Variants in LASP1NB observed in about 807,000 individuals in gnomAD.
LASP1NB encodes LASP1 neighbor protein.
At chr17:38,928,921 C>A in the LASP1NB span, 1 of 152,170 alleles carries the variant, frequency 6.6e-6, no homozygotes, top group Admixed American at 6.5e-5. Flanking sequence ...AAAGTATAGT[C>A]TAACCAAGCT....
At chr17:38,926,470 C>T in the LASP1NB span, 410 of 152,306 alleles carry the variant, frequency 2.7e-3, 2 homozygotes, top group Non-Finnish European at 2.3e-3. Context: ...AGCAGTCCTA[C>T]TGCCCAGCAG....
chr17:38,929,333 T>C, the LASP1NB span: 2 of 152,096 alleles, frequency 1.3e-5, no homozygotes, highest in Non-Finnish European at 2.9e-5. Context: ...ATTTTATAAA[T>C]TTGTGTCATA....
At chr17:38,929,299 T>G in the LASP1NB span, 1 of 152,310 alleles carries the variant, frequency 6.6e-6, no homozygotes, top group African/African-American at 2.4e-5. Flanking sequence ...AAAAGTTACC[T>G]CTGTAATATA....
At chr17:38,928,548 C>CAGT in the LASP1NB span, 1 of 152,078 alleles carries the variant, frequency 6.6e-6, no homozygotes. Context: ...AGAAAATGGC[C>CAGT]ATATTTATTT....
chr17:38,927,342 G>A, the LASP1NB span: 1 of 152,178 alleles, frequency 6.6e-6, no homozygotes. Context: ...CAGGAGTGGT[G>A]GCTCATGCCT....
the LASP1NB span, chr17:38,926,569 T>A: frequency 1.3e-5 from 2 of 152,262 alleles, no homozygotes; most frequent in Middle Eastern, 3.4e-3. Context: ...ACTTCAGGAA[T>A]TCATGGACAG....
chr17:38,925,892 G>A, the LASP1NB span: 2 of 392,628 alleles, frequency 5.1e-6, no homozygotes, highest in East Asian at 7.2e-5. Flanking sequence ...GTTATCTCGG[G>A]TATTGATTCC....
chr17:38,929,311 G>T, the LASP1NB span: 1 of 150,894 alleles, frequency 6.6e-6, no homozygotes, highest in East Asian at 2.0e-4. Context: ...TGTAATATAA[G>T]ATTTTGTATA....
chr17:38,928,103 T>G, the LASP1NB span: 3 of 152,244 alleles, frequency 2.0e-5, no homozygotes, highest in South Asian at 6.2e-4. Flanking sequence ...TTCTGGAAGC[T>G]TTGTTTTGGC....
the LASP1NB span, chr17:38,927,096 G>A: frequency 7.5e-5 from 4 of 53,640 alleles, no homozygotes; most frequent in African/African-American, 2.7e-4. Context: ...CCCAAAATGA[G>A]TGTGTGTGTG....
chr17:38,926,759 T>G, the LASP1NB span: 1 of 152,206 alleles, frequency 6.6e-6, no homozygotes, highest in South Asian at 2.1e-4. Context: ...CTCAAATATG[T>G]TCCTTCCTTC....
At chr17:38,925,779 G>A in the LASP1NB span, 138 of 398,550 alleles carry the variant, frequency 3.5e-4, 2 homozygotes, top group South Asian at 0.017. Flanking sequence ...TAGTGGCCTG[G>A]AGCTGCGGCC....
chr17:38,926,645 CT>C, the LASP1NB span: 2 of 152,124 alleles, frequency 1.3e-5, no homozygotes, highest in African/African-American at 4.8e-5. Flanking sequence ...GAAATGGAGA[CT>C]TATTAAAGTT....
the LASP1NB span, chr17:38,926,743 A>G: frequency 6.6e-6 from 1 of 152,334 alleles, no homozygotes; most frequent in East Asian, 1.9e-4. Context: ...GCAACTGCAC[A>G]TTACACTCAA....
chr17:38,927,215 T>G, the LASP1NB span: 2 of 152,130 alleles, frequency 1.3e-5, no homozygotes, highest in African/African-American at 2.4e-5. Flanking sequence ...AACTATGTAT[T>G]TTGGGATTCA....
At chr17:38,927,642 A>C in the LASP1NB span, 1 of 152,118 alleles carries the variant, frequency 6.6e-6, no homozygotes, top group South Asian at 2.1e-4. Flanking sequence ...TAAATAAACA[A>C]GGAGAAAGAT....
At chr17:38,925,809 C>T in the LASP1NB span, 1 of 398,532 alleles carries the variant, frequency 2.5e-6, no homozygotes, top group Non-Finnish European at 4.4e-6. Context: ...TGGAGAACAG[C>T]TCAGAAGGAA....
the LASP1NB span, chr17:38,927,397 G>A: frequency 2.0e-5 from 3 of 152,134 alleles, no homozygotes; most frequent in African/African-American, 7.2e-5. Flanking sequence ...GATCACCTGA[G>A]GTCAGGAGTT....
chr17:38,925,811 C>T, the LASP1NB span: 1 of 398,270 alleles, frequency 2.5e-6, no homozygotes, highest in African/African-American at 2.1e-5. Flanking sequence ...GAGAACAGCT[C>T]AGAAGGAAGG....
Sources: allele counts gnomAD v4.1 joint callset, GRCh38; gene constraint gnomAD v4.1.1; transcripts MANE v1.5; gene names NCBI Gene and HGNC (gene_info 2026-07-23, HGNC 2026-07-21).